The following MAMDC2 variants were observed in gnomAD, a reference collection of about 807,000 sequenced individuals.
MAMDC2 encodes the protein MAM domain-containing protein 2.
MAMDC2 carries 57 observed loss-of-function variants against 89.8 expected under a neutral mutation model. The observed-to-expected ratio is 0.63, with a 90% CI of 0.51 to 0.79. MAMDC2 has a LOEUF of 0.79. MAMDC2 is among the 30% of genes least tolerant of loss of function. The probability of loss-of-function intolerance (pLI) is 0.00; values close to 1 mark genes in which losing one functional copy is unlikely to be tolerated. For synonymous variants in MAMDC2, 313 were observed against 293.4 expected, an observed-to-expected ratio of 1.07 and a Z score of -0.68; for missense variants, 800 against 820.6, an observed-to-expected ratio of 0.97 and a Z score of 0.31.
chr9:70,190,558 G>GTT (rs34267939), intron 11 of MAMDC2, among the ~76,000 whole-genome samples: 200 of 143,656 alleles, frequency 1.4e-3, no homozygotes, highest in Non-Finnish European at 2.4e-3. Flanking sequence ...GAGTTTCTCA[G>GTT]TTTTTTTTTT....
chr9:70,043,960 C>T lies in MAMDC2; in HGVS notation c.-238C>T. 2 of 599,472 alleles carry T rather than the reference C, an allele frequency of 3.3e-6. No individual in the cohort carries two copies. Among genetic ancestry groups the T allele is most frequent in the Non-Finnish European group, 5.9e-6 (2 of 337,524 alleles). The allele number at this position is 599,472 out of a possible 1,614,324, so 37.1% of individuals were successfully genotyped here. On this transcript the variant is annotated 5_prime_UTR_variant, in exon 1 of 14. Coordinates refer to ENST00000377182, the MANE Select transcript of MAMDC2 (RefSeq NM_153267.5). Reference sequence around the variant, plus strand: ...AGCTGGGCCGCGGTCTGACCTGAGGCTGCTGCTCAGCGCCGGGGCGCTGGC... The same window carrying T: ...AGCTGGGCCGCGGTCTGACCTGAGGTTGCTGCTCAGCGCCGGGGCGCTGGC...
intron 11 of MAMDC2, among the ~76,000 whole-genome samples, chr9:70,185,179 A>C (rs2032725407): frequency 1.3e-5 from 2 of 152,208 alleles, no homozygotes; most frequent in Admixed American, 1.3e-4. Flanking sequence ...GATCCATTCC[A>C]GACCCTGTTT....
rs192981738 is a variant in MAMDC2, at chr9:70,158,872, A to G, written c.1405-9830A>G. ...AAATAATGGCAACAGTTACAACACA[A>G]TGGTAAGTATTTTTGTATCTAAACA... On this transcript the variant is annotated intron_variant, in intron 9 of 13. Transcript: ENST00000377182. 1.4e-3 allele frequency among the ~76,000 whole-genome samples: 217 copies of G among 152,254 alleles called. 1 individual carries two copies. Among genetic ancestry groups the G allele is most frequent in the Non-Finnish European group, 2.0e-3 (137 of 68,014 alleles).
In MAMDC2 at chr9:70,159,456, G is replaced by T. The variant is rs372107200; in HGVS notation, c.1405-9246G>T. Among the ~76,000 whole-genome samples the T allele has an allele frequency of 3.5e-4, 53 of 152,266 alleles. No homozygotes were observed. In the South Asian group the frequency reaches 7.9e-3, roughly 23 times the overall value. On this transcript the variant is annotated intron_variant, in intron 9 of 13. Transcript: ENST00000377182. ...CTTCACTTCATGGATCTACACTTTG[G>T]CTTGGGAATCAATGAAAATCAGGCT...
intron 9 of MAMDC2, among the ~76,000 whole-genome samples, chr9:70,149,975 G>A (rs1462171498): frequency 2.6e-5 from 4 of 152,164 alleles, no homozygotes; most frequent in Non-Finnish European, 4.4e-5. Context: ...GCTGGGAGAC[G>A]TTCCTGTGAC....
chr9:70,098,281 G>T (rs571407063), intron 2 of MAMDC2, among the ~76,000 whole-genome samples: 1 of 152,266 alleles, frequency 6.6e-6, no homozygotes, highest in South Asian at 2.1e-4. Flanking sequence ...ACCACCCTTT[G>T]GCAGGATTTA....
chr9:70,137,158 AT>A (rs1305213761), intron 7 of MAMDC2, among the ~76,000 whole-genome samples: 1 of 152,152 alleles, frequency 6.6e-6, no homozygotes. Flanking sequence ...ACTTTTTAAA[AT>A]TTAATTTTCT....
At chr9:70,110,702 T>G (rs975586447) in intron 4 of MAMDC2, among the ~76,000 whole-genome samples, 3 of 152,088 alleles carry the variant, frequency 2.0e-5, no homozygotes, top group Non-Finnish European at 4.4e-5. Context: ...GGGAGAAGTG[T>G]GCAGCTGCAC....
intron 11 of MAMDC2, among the ~76,000 whole-genome samples, chr9:70,204,249 T>A (rs1245809944): frequency 2.0e-5 from 3 of 149,686 alleles, no homozygotes; most frequent in Non-Finnish European, 1.5e-5. Flanking sequence ...GGATGTCCTT[T>A]CTGTTTGTTA....
chr9:70,112,846 C>A, intron 4 of MAMDC2, 149 bp from the exon 5 acceptor site: 2 of 904,058 alleles, frequency 2.2e-6, no homozygotes, highest in Non-Finnish European at 3.4e-6. Context: ...CTCTTCTTGG[C>A]CAAAATTGTG....
intron 11 of MAMDC2, among the ~76,000 whole-genome samples, chr9:70,193,394 C>G (rs144185453): frequency 1.3e-5 from 2 of 152,008 alleles, no homozygotes; most frequent in Admixed American, 6.6e-5. Context: ...AGGCAGCATA[C>G]GCATTTAAAA....
At chr9:70,133,196 TG>T (rs2030871969) in intron 7 of MAMDC2, among the ~76,000 whole-genome samples, 1 of 152,242 alleles carries the variant, frequency 6.6e-6, no homozygotes. Context: ...TCCCTTGTTT[TG>T]TCTATGGTAG....
chr9:70,169,245 A>G (rs530976844), intron 10 of MAMDC2, among the ~76,000 whole-genome samples: 94 of 152,360 alleles, frequency 6.2e-4, no homozygotes, highest in African/African-American at 2.1e-3. Context: ...AGTGAATTAA[A>G]TGACAGTGGA....
chr9:70,131,729 T>A, intron 7 of MAMDC2, 117 bp downstream of exon 7: 1 of 760,934 alleles, frequency 1.3e-6, no homozygotes, highest in Non-Finnish European at 2.2e-6. Flanking sequence ...CTGTCATCCT[T>A]AAAAAATTAT....
At chr9:70,046,117 C>T (rs7027636) in intron 2 of MAMDC2, among the ~76,000 whole-genome samples, 2,569 of 152,256 alleles carry the variant, frequency 0.017, 82 homozygotes, top group African/African-American at 0.058. Context: ...CAGCACGGGG[C>T]TTCTCAAACC....
At chr9:70,127,882 A>C (rs554707665) in intron 6 of MAMDC2, among the ~76,000 whole-genome samples, 16 of 152,252 alleles carry the variant, frequency 1.1e-4, no homozygotes, top group South Asian at 2.1e-4. Context: ...GATGAGTCCC[A>C]CACACACACT....
chr9:70,054,725 A>G (rs1169749842), intron 2 of MAMDC2, among the ~76,000 whole-genome samples: 2 of 152,132 alleles, frequency 1.3e-5, no homozygotes, highest in African/African-American at 2.4e-5. Context: ...CACTTTGATG[A>G]TTCAGAAACC....
At chr9:70,197,518 G>A (rs996737949) in intron 11 of MAMDC2, among the ~76,000 whole-genome samples, 2 of 152,014 alleles carry the variant, frequency 1.3e-5, no homozygotes, top group African/African-American at 4.8e-5. Context: ...CAGCTGTGTG[G>A]GTATTACTGA....
At chr9:70,079,653 A>G (rs1255766879) in intron 2 of MAMDC2, among the ~76,000 whole-genome samples, 2 of 152,128 alleles carry the variant, frequency 1.3e-5, no homozygotes, top group African/African-American at 2.4e-5. Flanking sequence ...GCCACTTCTG[A>G]GTTTTTGATA....
Sources: allele counts gnomAD v4.1 joint callset (sites outside exome capture counted in the v4.1 genomes callset), GRCh38; gene constraint gnomAD v4.1.1; transcripts MANE v1.5; gene names NCBI Gene and HGNC (gene_info 2026-07-23, HGNC 2026-07-21).